Variants in TAMM41 observed in about 807,000 individuals in gnomAD.
TAMM41 encodes the protein phosphatidate cytidylyltransferase, mitochondrial.
A neutral mutation model predicts 44.1 loss-of-function variants in TAMM41; 36 were observed. That is an observed-to-expected ratio of 0.82 (90% CI 0.63 to 1.08). TAMM41 has a LOEUF of 1.08. TAMM41 is among the 50% of genes least tolerant of loss of function. The pLI is 0.00. For synonymous variants in TAMM41, 164 were observed against 153.1 expected (o/e 1.07, Z -0.53); for missense variants, 417 against 404.3 (o/e 1.03, Z -0.27).
rs570823732 is a variant in TAMM41 at position 11,837,471 on chromosome 3, CT to C, written c.411+1750del. Among the ~76,000 whole-genome samples, 196 of 147,114 alleles carry C rather than the reference CT, an allele frequency of 1.3e-3. 1 individual carries two copies. The East Asian group carries it at 0.013, about 10-fold the overall frequency. ...TGTTAAAAGTTTAAGTTCTCTCCCA[CT>C]TTTTTTTTTTCCTGTTTTGTGTTTG... On this transcript the variant is annotated intron_variant, in intron 3 of 7. Transcript: ENST00000455809.
At chr3:11,760,542 TTTTTGTTTTGTTTTG>T in the TAMM41 span, among the ~76,000 whole-genome samples, 53 of 150,878 alleles carry the variant, frequency 3.5e-4, no homozygotes, top group African/African-American at 1.3e-3. Context: ...TAAGTACAAT[TTTTTGTTTTGTTTTG>T]TTTTGTTTTG....
chr3:11,817,468 C>T, intron 4 of TAMM41, 131 bp from the exon 5 acceptor site: 3 of 916,922 alleles, frequency 3.3e-6, no homozygotes, highest in Non-Finnish European at 4.7e-6. Flanking sequence ...CTTGCTTTTC[C>T]TCCTCAAAAC....
downstream of TAMM41, among the ~76,000 whole-genome samples, chr3:11,785,484 C>T (rs1303047136): frequency 6.6e-6 from 1 of 152,166 alleles, no homozygotes; most frequent in Non-Finnish European, 1.5e-5. Flanking sequence ...CCCTACCATG[C>T]CCAGCTAAGT....
At chr3:11,812,289 C>T (rs1438478510) in intron 5 of TAMM41, among the ~76,000 whole-genome samples, 1 of 152,160 alleles carries the variant, frequency 6.6e-6, no homozygotes, top group Non-Finnish European at 1.5e-5. Context: ...CAGAGATGAG[C>T]ACCACCTGTA....
chr3:11,846,821 A>G lies in TAMM41; in HGVS notation c.-185T>C. ...ATTGGGGCGTTGGGCCACGAAGAGC[A>G]GCGGCGAGAAGACGCAGCCCAGATA... is the stretch of plus-strand genomic sequence containing the variant. On this transcript the variant is annotated 5_prime_UTR_variant, in exon 1 of 8. Transcript: ENST00000455809. 1.4e-6 allele frequency: 1 copy of G among 722,006 alleles called. No individual in the cohort carries two copies. Among genetic ancestry groups the G allele is most frequent in the Non-Finnish European group, 2.2e-6 (1 of 448,284 alleles). The allele number at this position is 722,006 out of a possible 1,614,324, so 44.7% of individuals were successfully genotyped here.
chr3:11,741,666 A>T, the TAMM41 span, among the ~76,000 whole-genome samples: 2 of 150,040 alleles, frequency 1.3e-5, 1 homozygote, highest in African/African-American at 5.1e-5. Flanking sequence ...TGGGGAGAAA[A>T]TTTGTTTTTA....
At position 11,807,868 on chromosome 3, in the gene TAMM41, C is replaced by T; in HGVS notation, c.902G>A (p.Ser301Asn). Reference sequence around the variant, plus strand: ...AATGCCTTTCGTGCTCTGTCTTATACTAGACGGTCTCACGATTGCTGAAAG... The same window carrying T: ...AATGCCTTTCGTGCTCTGTCTTATATTAGACGGTCTCACGATTGCTGAAAG... ...LGLSAIVRPS[S>N]IRQSTKGIFT... The change falls in exon 7 of 8, where the codon AGT becomes AAT. Residue 301 changes from serine to asparagine, a missense_variant. Physicochemically the swap from Ser to Asn is conservative, Grantham distance 46 (BLOSUM62 1). Coordinates refer to ENST00000455809, the MANE Select transcript of TAMM41 (RefSeq NM_001284401.2). 6.5e-7 allele frequency: 1 copy of T among 1,533,508 alleles called. No individual in the cohort carries two copies. Among genetic ancestry groups the T allele is most frequent in the Non-Finnish European group, 8.7e-7 (1 of 1,145,616 alleles). The allele number at this position is 1,533,508 out of a possible 1,614,324, so 95.0% of individuals were successfully genotyped here.
intron 1 of TAMM41, chr3:11,844,923 A>T (rs1413062533): frequency 4.4e-6 from 2 of 456,636 alleles, no homozygotes; most frequent in African/African-American, 4.0e-5. Context: ...TCAGGGGCAC[A>T]GGAGGGAGAA....
downstream of TAMM41, among the ~76,000 whole-genome samples, chr3:11,786,857 G>A (rs1308958613): frequency 6.6e-6 from 1 of 151,856 alleles, no homozygotes; most frequent in African/African-American, 2.4e-5. Context: ...GCCTCCCAAA[G>A]TGCTGGGATT....
At chr3:11,734,758 G>A in the TAMM41 span, among the ~76,000 whole-genome samples, 15 of 152,036 alleles carry the variant, frequency 9.9e-5, no homozygotes, top group East Asian at 7.8e-4. Flanking sequence ...AATATGGACC[G>A]GGCACGGTGG....
the TAMM41 span, among the ~76,000 whole-genome samples, chr3:11,735,110 A>G: frequency 6.6e-6 from 1 of 151,858 alleles, no homozygotes; most frequent in East Asian, 1.9e-4. Flanking sequence ...CTATAATCCT[A>G]GCACTTTGGG....
At position 11,808,233 on chromosome 3, in the gene TAMM41, A is replaced by G. The variant is rs1575628960; in HGVS notation, c.875-338T>C. On this transcript the variant is annotated intron_variant, in intron 6 of 7. Coordinates refer to ENST00000455809, the MANE Select transcript of TAMM41 (RefSeq NM_001284401.2). ...CTTGAGATTTCTGGTTCTCAATTCC[A>G]TAACATGAAAAGATAAAAACCAAAT... The G allele has an allele frequency of 6.3e-6, 7 of 1,107,056 alleles. No individual in the cohort carries two copies. In the East Asian group the frequency reaches 3.5e-4, roughly 55 times the overall value. 68.6% of individuals were successfully genotyped at this position (1,107,056 alleles called of 1,614,324 possible). A position where few individuals can be genotyped will look rare whatever the true frequency, so the allele number is the denominator to read the frequency against.
At chr3:11,733,874 T>C in the TAMM41 span, among the ~76,000 whole-genome samples, 1 of 152,140 alleles carries the variant, frequency 6.6e-6, no homozygotes, top group Non-Finnish European at 1.5e-5. Flanking sequence ...CTCCTCCAAG[T>C]AGTGACTCAG....
the TAMM41 span, among the ~76,000 whole-genome samples, chr3:11,751,938 C>T: frequency 6.6e-6 from 1 of 152,188 alleles, no homozygotes; most frequent in South Asian, 2.1e-4. Context: ...ATGCAAGTAG[C>T]TCCAACTAGG....
intron 2 of TAMM41, among the ~76,000 whole-genome samples, chr3:11,842,160 G>A (rs1045639559): frequency 1.4e-4 from 21 of 152,086 alleles, no homozygotes; most frequent in African/African-American, 4.3e-4. Context: ...AGGCCGAGAC[G>A]GGTGGATCAC....
At chr3:11,758,040 T>C in the TAMM41 span, among the ~76,000 whole-genome samples, 1 of 152,112 alleles carries the variant, frequency 6.6e-6, no homozygotes, top group African/African-American at 2.4e-5. Flanking sequence ...GGGCAGAGGA[T>C]GCCTCCCAGA....
chr3:11,844,059 G>A lies in TAMM41; in HGVS notation c.288C>T (p.Tyr96=). 1 of 1,614,130 alleles carries A rather than the reference G, an allele frequency of 6.2e-7. No individual in the cohort carries two copies. The highest frequency in any genetic ancestry group is 8.5e-7 in the Non-Finnish European group (1 of 1,180,038). Residue 96 remains tyrosine (Y), a synonymous_variant, in exon 2 of 8, where the codon TAC becomes TAT. Transcript: ENST00000455809. ...CATTACACATGATCAATGAATTGTA[G>A]TAAACTCCAGCGCCATAGTTATTCT... ...SIQNNYGAGV[Y]YNSLIMCNGR...
At chr3:11,800,550 A>ATCAACAGTT (rs1179049074) in intron 7 of TAMM41, among the ~76,000 whole-genome samples, 1 of 30,766 alleles carries the variant, frequency 3.3e-5, no homozygotes, top group Non-Finnish European at 4.9e-5. Flanking sequence ...AAACAGTTAA[A>ATCAACAGTT]AAAAAAAAAA....
At chr3:11,805,146 C>T (rs531221156) in intron 7 of TAMM41, among the ~76,000 whole-genome samples, 72 of 152,082 alleles carry the variant, frequency 4.7e-4, no homozygotes, top group African/African-American at 1.7e-3. Context: ...GGACTACAGG[C>T]ATGTGCCACC....
Sources: allele counts gnomAD v4.1 joint callset (sites outside exome capture counted in the v4.1 genomes callset), GRCh38; gene constraint gnomAD v4.1.1; transcripts MANE v1.5; gene names NCBI Gene and HGNC (gene_info 2026-07-23, HGNC 2026-07-21).